Variants in FAM227B observed in about 807,000 individuals in gnomAD.
The protein encoded by FAM227B is protein FAM227B.
A neutral mutation model predicts 73.8 loss-of-function variants in FAM227B; 88 were observed. That is an observed-to-expected ratio of 1.19 (90% CI 1.00 to 1.42). The LOEUF (loss-of-function observed/expected upper bound fraction) is 1.42. Among genes scored for constraint, FAM227B ranks in the 40% most tolerant of loss-of-function variants. FAM227B has a pLI of 0.00. For missense variants in FAM227B, 632 were observed against 590.9 expected (o/e 1.07, Z -0.72); for synonymous variants, 210 against 190.5 (o/e 1.10, Z -0.84).
chr15:49,592,678 C>G (rs2076652786), intron 3 of FAM227B, among the ~76,000 whole-genome samples: 1 of 152,206 alleles, frequency 6.6e-6, no homozygotes, highest in South Asian at 2.1e-4. Flanking sequence ...TGTCCATTCT[C>G]AGAGATCAAA....
At chr15:49,612,475 G>A (rs2078005339) in intron 2 of FAM227B, among the ~76,000 whole-genome samples, 1 of 152,162 alleles carries the variant, frequency 6.6e-6, no homozygotes, top group Non-Finnish European at 1.5e-5. Context: ...AATCATGGCT[G>A]AATTTTCTAA....
At chr15:49,366,583 T>G in intron 13 of FAM227B, 1 of 1,599,384 alleles carries the variant, frequency 6.3e-7, no homozygotes, top group Non-Finnish European at 8.6e-7. Context: ...ATGTGCCATT[T>G]CCAGACGCAT....
intron 8 of FAM227B, among the ~76,000 whole-genome samples, chr15:49,569,689 A>C (rs942479156): frequency 6.6e-6 from 1 of 151,978 alleles, no homozygotes; most frequent in Non-Finnish European, 1.5e-5. Context: ...ATATAGTACT[A>C]TTAATTGTAG....
At chr15:49,385,927 G>A (rs1483236760) in intron 11 of FAM227B, among the ~76,000 whole-genome samples, 1 of 151,836 alleles carries the variant, frequency 6.6e-6, no homozygotes, top group African/African-American at 2.4e-5. Flanking sequence ...ATTGATAAAA[G>A]GATCAATTCA....
At chr15:49,584,400 C>G (rs547653038) in intron 5 of FAM227B, among the ~76,000 whole-genome samples, 60 of 152,262 alleles carry the variant, frequency 3.9e-4, no homozygotes, top group African/African-American at 1.4e-3. Context: ...AAACTTACAG[C>G]CAATGTCATA....
At chr15:49,615,004 C>A in intron 2 of FAM227B, 117 bp downstream of exon 2, 1 of 911,652 alleles carries the variant, frequency 1.1e-6, no homozygotes, top group East Asian at 2.4e-5. Flanking sequence ...AAGACCTAGA[C>A]CAAACCCTTG....
chr15:49,416,374 G>A (rs898610516), intron 11 of FAM227B, among the ~76,000 whole-genome samples: 4 of 152,068 alleles, frequency 2.6e-5, no homozygotes, highest in African/African-American at 7.2e-5. Flanking sequence ...TTTATGGAAT[G>A]GGGTGGACAG....
rs377066548 is a variant in FAM227B at position 49,402,174 on chromosome 15, T to A, written c.1013-30775A>T. On this transcript the variant is annotated intron_variant, in intron 11 of 15. Coordinates refer to ENST00000299338, the MANE Select transcript of FAM227B (RefSeq NM_152647.3). ...ATAGTTCTTTTGTATACAAGCTTGG[T>A]GTACAATAAAATACTGCAAGACAAG... 3.3e-5 allele frequency among the ~76,000 whole-genome samples: 5 copies of A among 152,230 alleles called. No homozygotes were observed. The East Asian group carries it at 9.7e-4, about 29-fold the overall frequency.
At chr15:49,438,843 G>GAGAC (rs1369941804) in intron 11 of FAM227B, among the ~76,000 whole-genome samples, 2 of 151,104 alleles carry the variant, frequency 1.3e-5, no homozygotes, top group Non-Finnish European at 3.0e-5. Flanking sequence ...CTGAGAGAGA[G>GAGAC]AGTGGGTGGT....
rs186375268 is a variant in FAM227B at position 49,576,779 on chromosome 15, G to C, written c.508C>G (p.Gln170Glu). 6.8e-6 allele frequency: 11 copies of C among 1,610,638 alleles called. No individual in the cohort carries two copies. In the East Asian group the frequency reaches 2.2e-4, roughly 33 times the overall value. Residue 170 changes from glutamine (Q) to glutamate (E), a missense_variant, in exon 7 of 16, where the codon CAA becomes GAA. Coordinates refer to ENST00000299338, the MANE Select transcript of FAM227B (RefSeq NM_152647.3). Reference sequence around the variant, plus strand: ...GCTTTTAAAATAAAAAGATAAATTTGTTCAGCATCCAAATGTCTGGGTAGC... The same window carrying C: ...GCTTTTAAAATAAAAAGATAAATTTCTTCAGCATCCAAATGTCTGGGTAGC... ...TQLPRHLDAEQIYLFILKAHN... is the reference protein window; with the variant it reads ...TQLPRHLDAEEIYLFILKAHN...
chr15:49,334,990 G>T lies in FAM227B; in HGVS notation c.1349+429C>A, dbSNP rs571552373. 1.1e-3 allele frequency among the ~76,000 whole-genome samples: 161 copies of T among 152,244 alleles called. 1 individual carries two copies. The highest frequency in any genetic ancestry group is 3.8e-3 in the African/African-American group (158 of 41,548). Reference sequence around the variant, plus strand: ...TGAATAACTGCAAATGTTCCCCCAAGAAAACATTTCAGGAAGGACTTTGCT... The same window carrying T: ...TGAATAACTGCAAATGTTCCCCCAATAAAACATTTCAGGAAGGACTTTGCT... On this transcript the variant is annotated intron_variant, in intron 14 of 15. Transcript: ENST00000299338.
intron 11 of FAM227B, among the ~76,000 whole-genome samples, chr15:49,377,299 C>T (rs2046231341): frequency 6.6e-6 from 1 of 152,034 alleles, no homozygotes; most frequent in Non-Finnish European, 1.5e-5. Context: ...CAAATCTTAG[C>T]TATTGTGAAC....
At chr15:49,532,500 T>A (rs910662253) in intron 10 of FAM227B, among the ~76,000 whole-genome samples, 11 of 151,706 alleles carry the variant, frequency 7.3e-5, no homozygotes, top group Non-Finnish European at 2.9e-5. Context: ...TTTTGTCAAG[T>A]AAAAATTGCA....
chr15:49,551,219 C>G (rs76272991), intron 9 of FAM227B, among the ~76,000 whole-genome samples: 6 of 151,864 alleles, frequency 4.0e-5, no homozygotes, highest in African/African-American at 1.4e-4. Flanking sequence ...TGCAGTGGGC[C>G]GAGATGGCAG....
chr15:49,608,522 G>C (rs2077671517), intron 3 of FAM227B, among the ~76,000 whole-genome samples: 1 of 151,898 alleles, frequency 6.6e-6, no homozygotes, highest in South Asian at 2.1e-4. Flanking sequence ...AGCATGACTA[G>C]AATTAGTAAG....
chr15:49,358,049 A>G (rs1398606219), intron 13 of FAM227B, among the ~76,000 whole-genome samples: 2 of 152,172 alleles, frequency 1.3e-5, no homozygotes, highest in Admixed American at 6.5e-5. Context: ...CCTTCATGCT[A>G]AAAGCTATCA....
chr15:49,498,642 T>C (rs1483422633), intron 11 of FAM227B, among the ~76,000 whole-genome samples: 1 of 152,140 alleles, frequency 6.6e-6, no homozygotes, highest in African/African-American at 2.4e-5. Flanking sequence ...AAATATATAA[T>C]ACACTTTCAA....
intron 13 of FAM227B, 131 bp from the exon 14 acceptor site, chr15:49,335,627 A>G (rs1270879523): frequency 3.1e-5 from 18 of 574,404 alleles, no homozygotes; most frequent in Non-Finnish European, 3.4e-5. Flanking sequence ...AAGTATAAAC[A>G]TGAATATTAT....
chr15:49,598,759 T>C (rs1047869067), intron 3 of FAM227B, among the ~76,000 whole-genome samples: 2 of 152,098 alleles, frequency 1.3e-5, no homozygotes, highest in Non-Finnish European at 2.9e-5. Context: ...TTTATGGATT[T>C]GTATATGTTG....
Sources: allele counts gnomAD v4.1 joint callset (sites outside exome capture counted in the v4.1 genomes callset), GRCh38; gene constraint gnomAD v4.1.1; transcripts MANE v1.5; gene names NCBI Gene and HGNC (gene_info 2026-07-23, HGNC 2026-07-21).